CERS3: variants seen among roughly 807,000 people sequenced by gnomAD.
The protein encoded by CERS3 is LAG1 homolog, ceramide synthase 3.
A neutral mutation model predicts 50.3 loss-of-function variants in CERS3; 33 were observed. That is an observed-to-expected ratio of 0.66 (90% CI 0.50 to 0.88). CERS3 has a LOEUF of 0.88. CERS3 is among the 40% of genes least tolerant of loss of function. CERS3 has a pLI of 0.00. For missense variants in CERS3, 470 were observed against 460.3 expected (o/e 1.02, Z -0.19); for synonymous variants, 176 against 155.2 (o/e 1.13, Z -0.99).
At chr15:100,425,580 C>T (rs769790142) in intron 11 of CERS3, among the ~76,000 whole-genome samples, 1 of 152,156 alleles carries the variant, frequency 6.6e-6, no homozygotes, top group African/African-American at 2.4e-5. Context: ...ACCTATACCC[C>T]CATTGTGTCT....
At chr15:100,493,913 A>T (rs1420318284) in intron 3 of CERS3, among the ~76,000 whole-genome samples, 1 of 151,838 alleles carries the variant, frequency 6.6e-6, no homozygotes, top group Non-Finnish European at 1.5e-5. Context: ...TTTCCTTTAG[A>T]TCTTAAGCAT....
intron 3 of CERS3, among the ~76,000 whole-genome samples, chr15:100,499,067 G>A (rs1249870010): frequency 6.6e-6 from 1 of 152,102 alleles, no homozygotes; most frequent in Non-Finnish European, 1.5e-5. Flanking sequence ...TTTAAAGAAC[G>A]ATGGACATAC....
chr15:100,483,233 G>A (rs1428657318), intron 5 of CERS3, among the ~76,000 whole-genome samples: 1 of 152,150 alleles, frequency 6.6e-6, no homozygotes, highest in Non-Finnish European at 1.5e-5. Context: ...TAAACATGAT[G>A]TTGTATCTGC....
rs140142246 is a variant in CERS3 at position 100,485,728 on chromosome 15, G to A, written c.289-1060C>T. Among the ~76,000 whole-genome samples the A allele has an allele frequency of 3.1e-3, 476 of 152,212 alleles. 2 individuals carry two copies. Among genetic ancestry groups the A allele is most frequent in the African/African-American group, 0.011 (439 of 41,532 alleles). On this transcript the variant is annotated intron_variant, in intron 4 of 11. Transcript: ENST00000679737. ...AAAATACAAAAATTAGCTGGGCGTGGTGGTGGGCTCCTGTGATCCCAGCTA... is the reference window on the plus strand; with the variant it reads ...AAAATACAAAAATTAGCTGGGCGTGATGGTGGGCTCCTGTGATCCCAGCTA...
chr15:100,450,885 G>T (rs368632683), intron 11 of CERS3, among the ~76,000 whole-genome samples: 1 of 152,210 alleles, frequency 6.6e-6, no homozygotes, highest in African/African-American at 2.4e-5. Flanking sequence ...AAAATGGGAT[G>T]ATATGGCCAT....
intron 11 of CERS3, among the ~76,000 whole-genome samples, chr15:100,407,470 T>G (rs894396049): frequency 2.0e-5 from 3 of 152,262 alleles, no homozygotes; most frequent in East Asian, 1.9e-4. Flanking sequence ...CCGTCAGGCA[T>G]GCACATAGGT....
At chr15:100,489,302 C>T (rs929769780) in intron 4 of CERS3, among the ~76,000 whole-genome samples, 6 of 152,136 alleles carry the variant, frequency 3.9e-5, no homozygotes, top group Non-Finnish European at 5.9e-5. Context: ...ACTCATTAGC[C>T]GAACGACCAC....
At chr15:100,440,634 GA>G (rs1187818247) in intron 11 of CERS3, among the ~76,000 whole-genome samples, 2 of 152,146 alleles carry the variant, frequency 1.3e-5, no homozygotes, top group South Asian at 2.1e-4. Flanking sequence ...TGGAGGGGGG[GA>G]ACCTCCCTTG....
intron 1 of CERS3, among the ~76,000 whole-genome samples, chr15:100,527,223 G>A (rs892076575): frequency 1.3e-5 from 2 of 152,170 alleles, no homozygotes; most frequent in African/African-American, 4.8e-5. Context: ...CTTGAACCCA[G>A]GAGGCAGAGG....
At chr15:100,497,300 ATATG>A (rs1302124441) in intron 3 of CERS3, among the ~76,000 whole-genome samples, 1 of 139,918 alleles carries the variant, frequency 7.1e-6, no homozygotes, top group Non-Finnish European at 1.6e-5. Flanking sequence ...GAGAGAGCAT[ATATG>A]TATGTGTGTG....
At chr15:100,443,907 C>T (rs375666908) in intron 11 of CERS3, among the ~76,000 whole-genome samples, 3 of 152,300 alleles carry the variant, frequency 2.0e-5, no homozygotes, top group South Asian at 4.1e-4. Context: ...CAAAAGGAAA[C>T]GTAGCTGACC....
chr15:100,452,746 T>C (rs1372458584), intron 11 of CERS3, among the ~76,000 whole-genome samples: 1 of 151,964 alleles, frequency 6.6e-6, no homozygotes, highest in Non-Finnish European at 1.5e-5. Context: ...CAAAATAGAT[T>C]GCTAGCTAGA....
chr15:100,444,421 C>T (rs867518303), intron 11 of CERS3, among the ~76,000 whole-genome samples: 8 of 152,092 alleles, frequency 5.3e-5, no homozygotes, highest in Admixed American at 2.0e-4. Flanking sequence ...ATCCACCTGA[C>T]GTTCACCCCA....
intron 1 of CERS3, among the ~76,000 whole-genome samples, chr15:100,540,396 T>C (rs1472985425): frequency 6.6e-6 from 1 of 152,028 alleles, no homozygotes; most frequent in East Asian, 1.9e-4. Context: ...CACAAAAAAT[T>C]AGCCGGGCGT....
At chr15:100,508,571 G>T (rs75272418) in intron 2 of CERS3, among the ~76,000 whole-genome samples, 1,967 of 152,280 alleles carry the variant, frequency 0.013, 23 homozygotes, top group East Asian at 0.029. Flanking sequence ...AGCCTTCACA[G>T]CAATGATTCT....
intron 7 of CERS3, among the ~76,000 whole-genome samples, chr15:100,478,409 C>T (rs1453706846): frequency 1.3e-5 from 2 of 152,046 alleles, no homozygotes; most frequent in African/African-American, 2.4e-5. Flanking sequence ...ATAGTAGACA[C>T]CTTGGTAGAC....
At chr15:100,517,387 G>C (rs1156958224) in intron 2 of CERS3, among the ~76,000 whole-genome samples, 1 of 152,188 alleles carries the variant, frequency 6.6e-6, no homozygotes, top group African/African-American at 2.4e-5. Context: ...TCAGGGTTTA[G>C]GTCACTCTGA....
Position 100,402,708 on chromosome 15 carries a change from T to C in CERS3, c.*5A>G, listed in dbSNP as rs769651649. 2.8e-5 allele frequency: 45 copies of C among 1,613,494 alleles called. No homozygotes were observed. The highest frequency in any genetic ancestry group is 3.6e-5 in the Non-Finnish European group (42 of 1,179,916). On this transcript the variant is annotated 3_prime_UTR_variant, in exon 12 of 12. Coordinates refer to ENST00000679737, the MANE Select transcript of CERS3 (RefSeq NM_001378789.1). ...CTGTGCCATGGGAGTCCTGTAGGCT[T>C]CCAGCTAATGGCCATGCTGGCCATT...
At chr15:100,430,192 G>A (rs2033046840) in intron 11 of CERS3, among the ~76,000 whole-genome samples, 1 of 151,776 alleles carries the variant, frequency 6.6e-6, no homozygotes, top group Admixed American at 6.6e-5. Context: ...GGCGCCTGTA[G>A]TCCCAGGTAC....
Sources: allele counts gnomAD v4.1 joint callset (sites outside exome capture counted in the v4.1 genomes callset), GRCh38; gene constraint gnomAD v4.1.1; transcripts MANE v1.5; gene names NCBI Gene and HGNC (gene_info 2026-07-23, HGNC 2026-07-21).